Variants in ADGRL2 observed in about 807,000 individuals in gnomAD.
The protein encoded by ADGRL2 is calcium-independent alpha-latrotoxin receptor 2.
In ADGRL2, 44 loss-of-function variants were observed where a neutral mutation model predicts 157.4. The ratio of observed to expected loss-of-function variants is 0.28; its 90% CI spans 0.22 to 0.36. ADGRL2 has a LOEUF of 0.36. Among genes scored for constraint, ADGRL2 ranks in the 10% least tolerant of loss-of-function variants. The pLI, the probability that ADGRL2 is intolerant of heterozygous loss-of-function variation, is 1.00. For synonymous variants in ADGRL2, 585 were observed against 624.7 expected, an observed-to-expected ratio of 0.94 and a Z score of 0.95; for missense variants, 1,510 against 1,768.9, an observed-to-expected ratio of 0.85 and a Z score of 2.63.
intron 3 of ADGRL2, among the ~76,000 whole-genome samples, chr1:81,925,133 C>T (rs2095074669): frequency 6.6e-6 from 1 of 151,948 alleles, no homozygotes; most frequent in African/African-American, 2.4e-5. Flanking sequence ...ATTTGAAATT[C>T]AATAGTTAAT....
rs922567585 is a variant in ADGRL2 at position 81,558,499 on chromosome 1, T to C, written c.-247-22377T>C. Among the ~76,000 whole-genome samples, 5 of 152,336 alleles carry C rather than the reference T, an allele frequency of 3.3e-5. No individual in the cohort carries two copies. The East Asian group carries it at 9.7e-4, about 29-fold the overall frequency. On this transcript the variant is annotated intron_variant, in intron 2 of 24. Transcript: ENST00000370721. ...CTGAAATGTCTCACCCACTGGTTTG[T>C]TGACAATGCCTTCAAGGCCATATTG...
At chr1:81,355,266 T>C (rs1001876912) in intron 1 of ADGRL2, among the ~76,000 whole-genome samples, 15 of 151,876 alleles carry the variant, frequency 9.9e-5, no homozygotes, top group African/African-American at 3.4e-4. Context: ...GGCTGAGGCA[T>C]AAGAATCACT....
At chr1:81,394,723 A>T (rs934059615) in intron 1 of ADGRL2, among the ~76,000 whole-genome samples, 4 of 152,044 alleles carry the variant, frequency 2.6e-5, no homozygotes, top group Non-Finnish European at 5.9e-5. Context: ...TTGGATATAT[A>T]CTCAGTAGTT....
At chr1:81,870,217 A>AAAACG (rs940175081) in intron 2 of ADGRL2, among the ~76,000 whole-genome samples, 1 of 151,662 alleles carries the variant, frequency 6.6e-6, no homozygotes, top group Non-Finnish European at 1.5e-5. Context: ...ATTTGCAAAC[A>AAAACG]AAACACCTTT....
intron 2 of ADGRL2, among the ~76,000 whole-genome samples, chr1:81,547,199 C>A (rs10493692): frequency 0.24 from 35,858 of 152,122 alleles, 5,164 homozygotes; most frequent in Middle Eastern, 0.34. Flanking sequence ...CATGCAAGAG[C>A]TGAGGGAGAC....
intron 3 of ADGRL2, among the ~76,000 whole-genome samples, chr1:81,686,881 C>T (rs530733312): frequency 6.6e-6 from 1 of 151,918 alleles, no homozygotes; most frequent in Non-Finnish European, 1.5e-5. Context: ...CCATCTTGAT[C>T]GTTTTTGACC....
At chr1:81,892,012 CTTTAT>C (rs749576731) in intron 2 of ADGRL2, among the ~76,000 whole-genome samples, 4 of 150,874 alleles carry the variant, frequency 2.7e-5, no homozygotes, top group Non-Finnish European at 4.4e-5. Context: ...TTCAGAGTTG[CTTTAT>C]TTTAATTTAT....
intron 2 of ADGRL2, among the ~76,000 whole-genome samples, chr1:81,554,294 T>C (rs1438979269): frequency 6.6e-6 from 1 of 152,068 alleles, no homozygotes; most frequent in East Asian, 1.9e-4. Flanking sequence ...ATTGGCAGAG[T>C]GCCACTTGTG....
chr1:81,623,979 G>A lies in ADGRL2; in HGVS notation c.-143+42999G>A, dbSNP rs551711424. Among the ~76,000 whole-genome samples, 5 of 152,134 alleles carry A rather than the reference G, an allele frequency of 3.3e-5. No individual in the cohort carries two copies. The South Asian group carries it at 1.0e-3, about 32-fold the overall frequency. On this transcript the variant is annotated intron_variant, in intron 3 of 24. Transcript: ENST00000370721. ...GACTGATATCTTCCTAAGATTTGGAGACACAAAGACACACACAGGGAAGGA... is the reference window on the plus strand; with the variant it reads ...GACTGATATCTTCCTAAGATTTGGAAACACAAAGACACACACAGGGAAGGA...
chr1:81,903,071 A>G (rs1020919136), intron 2 of ADGRL2, among the ~76,000 whole-genome samples: 10 of 152,214 alleles, frequency 6.6e-5, no homozygotes, highest in Non-Finnish European at 1.0e-4. Flanking sequence ...GATTGAGGAA[A>G]TTTTATAAGA....
At chr1:81,311,236 CTGTT>C (rs1231625547) in intron 1 of ADGRL2, among the ~76,000 whole-genome samples, 3 of 152,088 alleles carry the variant, frequency 2.0e-5, no homozygotes, top group African/African-American at 7.2e-5. Flanking sequence ...ATTAGAAAGT[CTGTT>C]TGTTACTGTT....
At chr1:81,902,469 G>A (rs937708768) in intron 2 of ADGRL2, among the ~76,000 whole-genome samples, 1 of 151,972 alleles carries the variant, frequency 6.6e-6, no homozygotes, top group Non-Finnish European at 1.5e-5. Flanking sequence ...ATGGTGGTGC[G>A]CACCTGTGGT....
chr1:81,353,564 A>G (rs956682562), intron 1 of ADGRL2, among the ~76,000 whole-genome samples: 13 of 152,166 alleles, frequency 8.5e-5, no homozygotes, highest in Admixed American at 6.5e-5. Context: ...AAAAAGGAAA[A>G]TAGATTGAAA....
intron 2 of ADGRL2, among the ~76,000 whole-genome samples, chr1:81,501,637 C>A (rs541730570): frequency 5.9e-5 from 9 of 152,376 alleles, no homozygotes; most frequent in Admixed American, 5.9e-4. Context: ...GCTGCCGCGC[C>A]TGGGCCTGAG....
chr1:81,632,961 C>G (rs1419155993), intron 3 of ADGRL2, among the ~76,000 whole-genome samples: 1 of 152,072 alleles, frequency 6.6e-6, no homozygotes, highest in Non-Finnish European at 1.5e-5. Flanking sequence ...TTTTTATATA[C>G]CAAAGTCTAT....
At chr1:81,645,443 T>G (rs1341121202) in intron 3 of ADGRL2, among the ~76,000 whole-genome samples, 2 of 150,618 alleles carry the variant, frequency 1.3e-5, no homozygotes, top group East Asian at 1.9e-4. Context: ...ACGAGTACAT[T>G]ACAATAAAAA....
At chr1:81,719,409 T>C (rs554790619) in intron 1 of ADGRL2, among the ~76,000 whole-genome samples, 1 of 152,314 alleles carries the variant, frequency 6.6e-6, no homozygotes, top group African/African-American at 2.4e-5. Context: ...TTTTTTATCT[T>C]CGTCTACACA....
intron 2 of ADGRL2, among the ~76,000 whole-genome samples, chr1:81,573,997 C>T (rs977373195): frequency 2.6e-5 from 4 of 152,158 alleles, no homozygotes; most frequent in South Asian, 4.2e-4. Context: ...ATTCCTGGGG[C>T]GTCTGCTTCA....
intron 6 of ADGRL2, among the ~76,000 whole-genome samples, chr1:81,948,772 G>A (rs1368920223): frequency 6.6e-6 from 1 of 152,082 alleles, no homozygotes; most frequent in Non-Finnish European, 1.5e-5. Context: ...TCTCTCATAT[G>A]GTCAATAAAT....
Sources: allele counts gnomAD v4.1 joint callset (sites outside exome capture counted in the v4.1 genomes callset), GRCh38; gene constraint gnomAD v4.1.1; transcripts MANE v1.5; gene names NCBI Gene and HGNC (gene_info 2026-07-23, HGNC 2026-07-21).